The following SCN3A variants were observed in gnomAD, a reference collection of about 807,000 sequenced individuals.
SCN3A encodes the protein sodium voltage-gated channel alpha subunit 3.
Under a neutral mutation model 187.6 loss-of-function variants are expected in SCN3A, and 60 were observed. The observed-to-expected ratio is 0.32, with a 90% CI of 0.26 to 0.40. SCN3A has a LOEUF of 0.40. Ranked by LOEUF, SCN3A falls within the 10% of genes least tolerant of loss-of-function variation. The pLI is 1.00. For missense variants in SCN3A, 1,601 were observed against 2,428.2 expected (o/e 0.66, Z 7.16); for synonymous variants, 788 against 829.2 (o/e 0.95, Z 0.85).
At chr2:165,095,434 C>G in intron 25 of SCN3A, 77 bp downstream of exon 25, 3 of 1,404,706 alleles carry the variant, frequency 2.1e-6, no homozygotes, top group Non-Finnish European at 3.0e-6. Context: ...GTCATGACCA[C>G]AGGTATTCTG....
In SCN3A at chr2:165,105,684, C is replaced by T. The variant is rs143212130; in HGVS notation, c.3844-5260G>A. Among the ~76,000 whole-genome samples the T allele has an allele frequency of 6.6e-3, 1,008 of 152,122 alleles. 29 individuals are homozygous for T. In the East Asian group the frequency reaches 0.079, roughly 12 times the overall value. On this transcript the variant is annotated intron_variant, in intron 21 of 27. Transcript: ENST00000283254. The stretch of plus-strand genomic sequence containing the variant: ...TTCCAGAGGCTGTGGGAAGTGCAGT[C>T]TCTATGCAATCTCAGTCAGAAATGG...
chr2:165,152,092 T>C (rs1034514644), intron 11 of SCN3A, among the ~76,000 whole-genome samples: 1 of 152,138 alleles, frequency 6.6e-6, no homozygotes, highest in African/African-American at 2.4e-5. Flanking sequence ...TTTATGGGAA[T>C]ACAAAAATAT....
In SCN3A at chr2:165,088,879, A is replaced by G. The variant is rs933130247; in HGVS notation, c.*1271T>C. On this transcript the variant is annotated 3_prime_UTR_variant, in exon 28 of 28. Transcript: ENST00000283254. ...TTTCCTTGAAATCTAGAGAGATACCATATGATACTCATGTTGAATTAAAAG... is the reference window on the plus strand; with the variant it reads ...TTTCCTTGAAATCTAGAGAGATACCGTATGATACTCATGTTGAATTAAAAG... 1 of 152,604 alleles carries G rather than the reference A, an allele frequency of 6.6e-6. No homozygotes were observed. The highest frequency in any genetic ancestry group is 2.4e-5 in the African/African-American group (1 of 41,464). The allele number at this position is 152,604 out of a possible 1,614,324, so 9.5% of individuals were successfully genotyped here.
intron 26 of SCN3A, chr2:165,094,079 G>A: frequency 2.5e-6 from 1 of 401,064 alleles, no homozygotes; most frequent in Non-Finnish European, 4.6e-6. Flanking sequence ...TAGAGGAGGA[G>A]GAACCAGGTG....
intron 17 of SCN3A, 119 bp from the exon 18 acceptor site, chr2:165,128,220 T>C: frequency 1.2e-6 from 1 of 813,978 alleles, no homozygotes. Context: ...TATTGAATGC[T>C]TACTATATTT....
At chr2:165,110,468 T>G (rs1209889924) in intron 21 of SCN3A, among the ~76,000 whole-genome samples, 2 of 152,224 alleles carry the variant, frequency 1.3e-5, no homozygotes, top group Non-Finnish European at 2.9e-5. Flanking sequence ...GAAGTTTATT[T>G]GGTGTTCTGT....
chr2:165,112,804 AG>A, intron 21 of SCN3A, 80 bp downstream of exon 21: 1 of 1,234,252 alleles, frequency 8.1e-7, no homozygotes. Flanking sequence ...TATTAGTGAA[AG>A]TTTTAATAAC....
chr2:165,134,685 T>C (rs971216140), intron 15 of SCN3A, among the ~76,000 whole-genome samples: 1 of 152,116 alleles, frequency 6.6e-6, no homozygotes, highest in Admixed American at 6.6e-5. Context: ...AGATTTTTTT[T>C]TCAAATAGTG....
intron 15 of SCN3A, among the ~76,000 whole-genome samples, chr2:165,137,096 A>G (rs1687711871): frequency 6.6e-6 from 1 of 152,108 alleles, no homozygotes; most frequent in Non-Finnish European, 1.5e-5. Flanking sequence ...CTTGCTGAAC[A>G]TTTGCTGACC....
chr2:165,173,264 T>C lies in SCN3A; in HGVS notation c.265-2716A>G, dbSNP rs980696898. Among the ~76,000 whole-genome samples, 3 of 152,220 alleles carry C rather than the reference T, an allele frequency of 2.0e-5. No individual in the cohort carries two copies. The East Asian group carries it at 5.8e-4, about 29-fold the overall frequency. On this transcript the variant is annotated intron_variant, in intron 3 of 27. Transcript: ENST00000283254. ...AACTTTCCCTTTTATTTTATTATGT[T>C]AATAAGCATAGTATATAATTTCACT...
intron 18 of SCN3A, among the ~76,000 whole-genome samples, chr2:165,120,171 A>G (rs903288783): frequency 3.3e-5 from 5 of 152,048 alleles, no homozygotes; most frequent in Non-Finnish European, 7.4e-5. Context: ...GCCCGGCGCA[A>G]TGCTGTGGAA....
chr2:165,113,093 G>T, intron 20 of SCN3A, 35 bp from the exon 21 acceptor site: 2 of 1,536,060 alleles, frequency 1.3e-6, no homozygotes, highest in South Asian at 2.3e-5. Context: ...TACTTAAATG[G>T]CTTGCTTCTT....
At chr2:165,095,879 T>C (rs898950883) in intron 24 of SCN3A, among the ~76,000 whole-genome samples, 3 of 152,146 alleles carry the variant, frequency 2.0e-5, no homozygotes, top group African/African-American at 7.2e-5. Flanking sequence ...ATTTAACATA[T>C]TCTTTAACAT....
intron 5 of SCN3A, 40 bp from the exon 6 acceptor site, chr2:165,164,560 G>C (rs1358074288): frequency 1.2e-6 from 2 of 1,608,936 alleles, no homozygotes; most frequent in Non-Finnish European, 1.7e-6. Context: ...AATTTTGCTT[G>C]AACTGTTAAA....
At chr2:165,161,432 T>C (rs1427929057) in intron 9 of SCN3A, among the ~76,000 whole-genome samples, 1 of 152,094 alleles carries the variant, frequency 6.6e-6, no homozygotes, top group Non-Finnish European at 1.5e-5. Flanking sequence ...ACCTATGCTC[T>C]TACCCCCTAC....
At chr2:165,169,875 C>T (rs1690000809) in intron 4 of SCN3A, among the ~76,000 whole-genome samples, 1 of 151,790 alleles carries the variant, frequency 6.6e-6, no homozygotes, top group African/African-American at 2.4e-5. Flanking sequence ...CTTTTTGATA[C>T]ATATTCTCAA....
intron 11 of SCN3A, among the ~76,000 whole-genome samples, chr2:165,153,948 A>G (rs1688850695): frequency 6.9e-6 from 1 of 144,250 alleles, no homozygotes; most frequent in Non-Finnish European, 1.5e-5. Flanking sequence ...ATCTAACTTT[A>G]GATACCTTCC....
At chr2:165,096,591 CT>C in intron 23 of SCN3A, 71 bp from the exon 24 acceptor site, 1 of 1,054,696 alleles carries the variant, frequency 9.5e-7, no homozygotes. Flanking sequence ...AGATGAAAAT[CT>C]GACAGTATTA....
chr2:165,130,085 A>C lies in SCN3A; in HGVS notation c.2777T>G (p.Met926Arg). The C allele has an allele frequency of 6.2e-7, 1 of 1,614,170 alleles. No individual in the cohort carries two copies. The highest frequency in any genetic ancestry group is 8.5e-7 in the Non-Finnish European group (1 of 1,180,012). The change falls in exon 17 of 28, where the codon ATG becomes AGG. Residue 926 changes from methionine to arginine, a missense_variant. Physicochemically the swap from Met to Arg is moderately conservative, Grantham distance 91 (BLOSUM62 -1). Around this residue, in one of 11 missense-constraint regions of SCN3A, gnomAD observed 91 missense variants for 207.0 expected, o/e 0.44. Coordinates refer to ENST00000283254, the MANE Select transcript of SCN3A (RefSeq NM_006922.4). ...CAGGAAGGAGTGGAAGAAGTCGTTC[A>C]TGTGCCACCGTGGGAGCGTACAGTC... ...NDDCTLPRWHMNDFFHSFLIV... is the reference protein window; with the variant it reads ...NDDCTLPRWHRNDFFHSFLIV...
Sources: gnomAD v4.1 joint callset for allele counts (sites outside exome capture counted in the v4.1 genomes callset) on GRCh38, gnomAD v4.1.1 for gene constraint, gnomAD v4.1.1 regional missense constraint, MANE v1.5 for transcripts, NCBI Gene and HGNC (gene_info 2026-07-23, HGNC 2026-07-21) for gene names.